DNAJB11: variants seen among roughly 807,000 people sequenced by gnomAD.
The protein encoded by DNAJB11 is dnaJ homolog subfamily B member 11.
Under a neutral mutation model 47.2 loss-of-function variants are expected in DNAJB11, and 30 were observed. That is an observed-to-expected ratio of 0.64 (90% CI 0.48 to 0.86). The LOEUF is 0.86. DNAJB11 is among the 40% of genes least tolerant of loss of function. The probability of loss-of-function intolerance (pLI) is 0.00; values close to 1 mark genes in which losing one functional copy is unlikely to be tolerated. For missense variants in DNAJB11, 357 were observed against 440.2 expected, an observed-to-expected ratio of 0.81 and a Z score of 1.69; for synonymous variants, 151 against 159.9, an observed-to-expected ratio of 0.94 and a Z score of 0.42.
chr3:186,581,272 A>G, intron 4 of DNAJB11, 99 bp from the exon 5 acceptor site: 1 of 1,346,356 alleles, frequency 7.4e-7, no homozygotes, highest in South Asian at 1.4e-5. Context: ...GAGAAGGGGA[A>G]GTTTCAGTCC....
At position 186,585,410 on chromosome 3, in the gene DNAJB11, AGT is replaced by A; in HGVS notation, c.*4_*5del. The A allele has an allele frequency of 6.2e-7, 1 of 1,603,526 alleles. No homozygotes were observed. The highest frequency in any genetic ancestry group is 8.5e-7 in the Non-Finnish European group (1 of 1,174,642). ...TACAATGGACTGCAAGGATATTGAG[AGT>A]GAATAAAATTGGACTTTGTTTAAAA... On this transcript the variant is annotated 3_prime_UTR_variant, in exon 10 of 10. Transcript: ENST00000265028.
intron 3 of DNAJB11, among the ~76,000 whole-genome samples, chr3:186,576,573 T>A (rs1715302585): frequency 6.6e-6 from 1 of 152,212 alleles, no homozygotes. Flanking sequence ...GAATCTGCAT[T>A]TTTATGGGGA....
intron 2 of DNAJB11, among the ~76,000 whole-genome samples, chr3:186,573,709 G>A (rs1292265694): frequency 1.3e-5 from 2 of 152,200 alleles, no homozygotes; most frequent in Admixed American, 6.5e-5. Flanking sequence ...CTTAACCTGA[G>A]GCACATCAAT....
intron 4 of DNAJB11, chr3:186,579,787 TG>T (rs1715418907): frequency 6.6e-6 from 1 of 152,292 alleles, no homozygotes; most frequent in Non-Finnish European, 1.5e-5. Context: ...TCTGCAGTCA[TG>T]GGAAACAGTT....
chr3:186,571,848 A>G (rs1196297125), intron 1 of DNAJB11, among the ~76,000 whole-genome samples: 1 of 152,238 alleles, frequency 6.6e-6, no homozygotes, highest in African/African-American at 2.4e-5. Context: ...AGTGCCACAG[A>G]TGTTTTGAAT....
rs1715025199 is a variant in DNAJB11 at position 186,570,976 on chromosome 3, G to C, written c.68+11G>C. ...GGCGGTGATTGCCGGGTGAGGAACA[G>C]ACACTCGCAGACAACGGGGCCTGTG... On this transcript the variant is annotated intron_variant, in intron 1 of 9. Coordinates refer to ENST00000265028, the MANE Select transcript of DNAJB11 (RefSeq NM_016306.6). 1 of 1,344,510 alleles carries C rather than the reference G, an allele frequency of 7.4e-7. No individual in the cohort carries two copies. The highest frequency in any genetic ancestry group is 9.9e-7 in the Non-Finnish European group (1 of 1,009,132). The allele number at this position is 1,344,510 out of a possible 1,614,324, so 83.3% of individuals were successfully genotyped here. A position where few individuals can be genotyped will look rare whatever the true frequency, so the allele number is the denominator to read the frequency against.
intron 4 of DNAJB11, chr3:186,578,911 G>C (rs1426358228): frequency 6.6e-6 from 1 of 152,044 alleles, no homozygotes; most frequent in South Asian, 2.1e-4. Context: ...AAAGAAATTC[G>C]TTTTTGTTCT....
chr3:186,575,373 GTGTGTGTGTGTGTGTGTGTC>G (rs1312816570), intron 2 of DNAJB11, among the ~76,000 whole-genome samples: 5 of 47,372 alleles, frequency 1.1e-4, no homozygotes, highest in Admixed American at 3.9e-4. Context: ...GCGCGCGTGT[GTGTGTGTGTGTGTGTGTGTC>G]TGTGTGTGTG....
At chr3:186,571,430 G>A (rs1432806019) in intron 1 of DNAJB11, among the ~76,000 whole-genome samples, 1 of 152,206 alleles carries the variant, frequency 6.6e-6, no homozygotes, top group Non-Finnish European at 1.5e-5. Flanking sequence ...AGCGGACGAT[G>A]CTCTATGCCA....
Position 186,584,600 on chromosome 3 carries a change from TTA to T in DNAJB11, c.1012+12_1012+13del, listed in dbSNP as rs1491523896. 2.0e-5 allele frequency: 31 copies of T among 1,571,600 alleles called. No individual in the cohort carries two copies. Among genetic ancestry groups the T allele is most frequent in the Non-Finnish European group, 2.6e-5 (30 of 1,167,050 alleles). On this transcript the variant is annotated intron_variant, in intron 9 of 9. Transcript: ENST00000265028. Reference sequence around the variant, plus strand: ...AGGAAGCGAGAGAAGGTATGGCATATTAGTGTGTGTGTGTGTGTGTGTTTGTG... The same window carrying T: ...AGGAAGCGAGAGAAGGTATGGCATATGTGTGTGTGTGTGTGTGTGTTTGTG...
chr3:186,579,099 AAAAT>A (rs1334366018), intron 4 of DNAJB11: 1 of 152,228 alleles, frequency 6.6e-6, no homozygotes, highest in African/African-American at 2.4e-5. Context: ...TCTCTGGAAA[AAAAT>A]TTTAAAATAA....
intron 2 of DNAJB11, 67 bp from the exon 3 acceptor site, chr3:186,575,773 A>C: frequency 7.9e-7 from 1 of 1,266,556 alleles, no homozygotes; most frequent in Non-Finnish European, 1.1e-6. Context: ...ACAAACATAA[A>C]TATGACTGTG....
chr3:186,585,658 G>A lies in DNAJB11; in HGVS notation c.*250G>A, dbSNP rs1052542212. The A allele has an allele frequency of 1.5e-5, 4 of 263,202 alleles. No individual in the cohort carries two copies. The highest frequency in any genetic ancestry group is 1.2e-3 in the Middle Eastern group (1 of 830). The allele number at this position is 263,202 out of a possible 1,614,324, so 16.3% of individuals were successfully genotyped here. A position where few individuals can be genotyped will look rare whatever the true frequency, so the allele number is the denominator to read the frequency against. ...GATTTAATGTCTGGTGCTGCCGCCT[G>A]AGTTTCAAGAATTAAAGCTGCAAGA... On this transcript the variant is annotated 3_prime_UTR_variant, in exon 10 of 10. Transcript: ENST00000265028.
intron 6 of DNAJB11, 83 bp downstream of exon 6, chr3:186,582,160 C>A: frequency 9.7e-7 from 1 of 1,031,086 alleles, no homozygotes; most frequent in Non-Finnish European, 1.5e-6. Flanking sequence ...CCCTGCCTTA[C>A]TCCATCTTAA....
intron 4 of DNAJB11, 54 bp from the exon 5 acceptor site, chr3:186,581,317 A>C: frequency 1.3e-6 from 2 of 1,597,546 alleles, no homozygotes; most frequent in Non-Finnish European, 8.5e-7. Context: ...AATTGAGGAA[A>C]GGAAAGGCTG....
At position 186,577,787 on chromosome 3, in the gene DNAJB11, GA is replaced by G; in HGVS notation, c.446del (p.Asn149IlefsTer5). 1 of 1,598,668 alleles carries G rather than the reference GA, an allele frequency of 6.3e-7. No individual in the cohort carries two copies. Among genetic ancestry groups the G allele is most frequent in the Non-Finnish European group, 8.5e-7 (1 of 1,174,760 alleles). On this transcript the variant is annotated frameshift_variant, in exon 4 of 10. Coordinates refer to ENST00000265028, the MANE Select transcript of DNAJB11 (RefSeq NM_016306.6). LOFTEE classifies it high-confidence loss of function. ...GTCACTTTGGAAGAAGTATATGCAG[GA>G]AATTTTGTGGAAGTAAGTTCAAACA... ...LEVTLEEVYA[G>X]NFVEVVRNKP...
chr3:186,570,805 G>T lies in DNAJB11; in HGVS notation c.-93G>T. The T allele has an allele frequency of 8.2e-7, 1 of 1,225,198 alleles. No individual in the cohort carries two copies. The highest frequency in any genetic ancestry group is 1.2e-6 in the Non-Finnish European group (1 of 860,266). 75.9% of individuals were successfully genotyped at this position (1,225,198 alleles called of 1,614,324 possible). A position where few individuals can be genotyped will look rare whatever the true frequency, so the allele number is the denominator to read the frequency against. On this transcript the variant is annotated 5_prime_UTR_variant, in exon 1 of 10. Transcript: ENST00000265028. Reference sequence around the variant, plus strand: ...GACCCCCGCGCCCCCCCGGTGTGAGGCGGCCTCACAGGGCCGGGTGGGCTG... The same window carrying T: ...GACCCCCGCGCCCCCCCGGTGTGAGTCGGCCTCACAGGGCCGGGTGGGCTG...
intron 6 of DNAJB11, 68 bp from the exon 7 acceptor site, chr3:186,582,648 A>AGTTGCCAAATAGATTTG: frequency 7.7e-7 from 1 of 1,301,988 alleles, no homozygotes; most frequent in East Asian, 2.5e-5. Context: ...AAAATGTATC[A>AGTTGCCAAATAGATTTG]GTTGCCAAAT....
intron 6 of DNAJB11, 104 bp from the exon 7 acceptor site, chr3:186,582,612 G>A (rs983283503): frequency 3.3e-6 from 3 of 903,404 alleles, no homozygotes; most frequent in South Asian, 2.9e-5. Context: ...GATTTGACAG[G>A]TCAATGCCCA....
Sources: allele counts gnomAD v4.1 joint callset (sites outside exome capture counted in the v4.1 genomes callset), GRCh38; gene constraint gnomAD v4.1.1; transcripts MANE v1.5; gene names NCBI Gene and HGNC (gene_info 2026-07-23, HGNC 2026-07-21).